The following HCN1 variants were observed in gnomAD, a reference collection of about 807,000 sequenced individuals.
The protein encoded by HCN1 is hyperpolarization activated cyclic nucleotide gated potassium channel 1.
A neutral mutation model predicts 78.9 loss-of-function variants in HCN1; 13 were observed. The ratio of observed to expected loss-of-function variants is 0.16; its 90% confidence interval spans 0.11 to 0.26. HCN1 has a LOEUF of 0.26. Among genes scored for constraint, HCN1 ranks in the 10% least tolerant of loss-of-function variants. HCN1 has a pLI of 1.00. For missense variants in HCN1, 810 were observed against 1,154.3 expected (o/e 0.70, Z 4.32); for synonymous variants, 552 against 455.5 (o/e 1.21, Z -2.70).
intron 2 of HCN1, chr5:45,559,015 T>C (rs1185214509): frequency 6.7e-6 from 1 of 148,888 alleles, no homozygotes; most frequent in East Asian, 2.0e-4. Context: ...CCCACCTTGG[T>C]CTCCAAAACT....
intron 2 of HCN1, among the ~76,000 whole-genome samples, chr5:45,544,797 G>C (rs559513569): frequency 6.6e-6 from 1 of 152,168 alleles, no homozygotes; most frequent in East Asian, 1.9e-4. Flanking sequence ...TTTCATGACT[G>C]CATAGTATTC....
At chr5:45,322,016 C>T (rs1746136413) in intron 5 of HCN1, among the ~76,000 whole-genome samples, 1 of 151,778 alleles carries the variant, frequency 6.6e-6, no homozygotes, top group African/African-American at 2.4e-5. Context: ...TGGAAGAAAA[C>T]AAATGAGATC....
chr5:45,464,811 ACT>A (rs901317301), intron 2 of HCN1, among the ~76,000 whole-genome samples: 1 of 140,602 alleles, frequency 7.1e-6, no homozygotes, highest in African/African-American at 2.7e-5. Flanking sequence ...CCCTGTTAAA[ACT>A]TTACTCAAGA....
intron 5 of HCN1, among the ~76,000 whole-genome samples, chr5:45,326,149 A>G (rs1046969560): frequency 2.6e-5 from 4 of 151,646 alleles, no homozygotes; most frequent in Admixed American, 6.6e-5. Context: ...AATTACATAT[A>G]CATTTATATA....
intron 2 of HCN1, among the ~76,000 whole-genome samples, chr5:45,593,212 G>GCACA (rs58822250): frequency 2.0e-5 from 3 of 149,472 alleles, no homozygotes; most frequent in Admixed American, 6.7e-5. Flanking sequence ...GCACGCACGC[G>GCACA]CACACACACA....
At chr5:45,628,920 G>A (rs1745221236) in intron 2 of HCN1, among the ~76,000 whole-genome samples, 1 of 151,450 alleles carries the variant, frequency 6.6e-6, no homozygotes, top group Non-Finnish European at 1.5e-5. Flanking sequence ...AGTGAGCTAG[G>A]TGAGATCATG....
chr5:45,345,798 T>G (rs572591683), intron 5 of HCN1, among the ~76,000 whole-genome samples: 1 of 152,290 alleles, frequency 6.6e-6, no homozygotes, highest in Non-Finnish European at 1.5e-5. Context: ...CTCCAAACGG[T>G]TTCAATCTCT....
chr5:45,376,250 T>TTCC (rs1561132409), intron 4 of HCN1, among the ~76,000 whole-genome samples: 3 of 130,808 alleles, frequency 2.3e-5, no homozygotes, highest in South Asian at 2.2e-4. Flanking sequence ...ATATTCTATA[T>TTCC]AGAATATAGA....
At chr5:45,327,787 A>G (rs1183668154) in intron 5 of HCN1, among the ~76,000 whole-genome samples, 1 of 151,642 alleles carries the variant, frequency 6.6e-6, no homozygotes, top group Non-Finnish European at 1.5e-5. Flanking sequence ...GACACACAGA[A>G]AAGACATCTG....
intron 3 of HCN1, among the ~76,000 whole-genome samples, chr5:45,428,466 T>A (rs1019491895): frequency 3.9e-5 from 6 of 151,996 alleles, no homozygotes; most frequent in Non-Finnish European, 1.5e-5. Flanking sequence ...ATCATTCATT[T>A]AAAAAAAATT....
intron 2 of HCN1, among the ~76,000 whole-genome samples, chr5:45,491,662 T>C (rs1425117972): frequency 1.3e-5 from 2 of 152,220 alleles, no homozygotes; most frequent in Non-Finnish European, 2.9e-5. Context: ...TGCTATGCTA[T>C]AGGACATTTT....
chr5:45,566,902 C>T (rs572929648), intron 2 of HCN1, among the ~76,000 whole-genome samples: 71 of 152,278 alleles, frequency 4.7e-4, no homozygotes, highest in Non-Finnish European at 7.2e-4. Context: ...GTGAGCCATA[C>T]ACATGAAGTA....
intron 2 of HCN1, among the ~76,000 whole-genome samples, chr5:45,529,069 A>T (rs1742791201): frequency 6.6e-6 from 1 of 152,014 alleles, no homozygotes; most frequent in Non-Finnish European, 1.5e-5. Context: ...TTCCTCCTTC[A>T]TTCCAGTGGC....
intron 3 of HCN1, among the ~76,000 whole-genome samples, chr5:45,444,800 TTTA>T (rs201615072): frequency 0.031 from 4,697 of 151,540 alleles, 278 homozygotes; most frequent in African/African-American, 0.11. Flanking sequence ...TTTTCTTTCT[TTTA>T]TTATTATTAT....
At chr5:45,449,829 A>G (rs553239259) in intron 3 of HCN1, among the ~76,000 whole-genome samples, 2 of 152,222 alleles carry the variant, frequency 1.3e-5, no homozygotes, top group East Asian at 1.9e-4. Flanking sequence ...TTGTAAGAAC[A>G]TAAGTTGGTT....
intron 2 of HCN1, among the ~76,000 whole-genome samples, chr5:45,580,357 T>G (rs1341507351): frequency 6.6e-6 from 1 of 151,930 alleles, no homozygotes; most frequent in East Asian, 1.9e-4. Context: ...GAATTTAAAT[T>G]TCTCCTGGGG....
chr5:45,400,652 C>T (rs1016368322), intron 3 of HCN1, among the ~76,000 whole-genome samples: 2 of 152,166 alleles, frequency 1.3e-5, no homozygotes, highest in East Asian at 1.9e-4. Flanking sequence ...GGCGATCCAC[C>T]TGCCTTGGCC....
chr5:45,550,945 A>T (rs375788449), intron 2 of HCN1, among the ~76,000 whole-genome samples: 1 of 151,934 alleles, frequency 6.6e-6, no homozygotes, highest in African/African-American at 2.4e-5. Context: ...ATTTCTATGG[A>T]TTTTGCATTT....
intron 1 of HCN1, among the ~76,000 whole-genome samples, chr5:45,664,254 A>G (rs2112064567): frequency 8.4e-6 from 1 of 118,644 alleles, no homozygotes; most frequent in African/African-American, 3.3e-5. Flanking sequence ...TGGGAATTGA[A>G]CAATGAGATC....
Sources: gnomAD v4.1 joint callset for allele counts (sites outside exome capture counted in the v4.1 genomes callset) on GRCh38, gnomAD v4.1.1 for gene constraint, MANE v1.5 for transcripts, NCBI Gene and HGNC (gene_info 2026-07-23, HGNC 2026-07-21) for gene names.